Variants in CPEB4 observed in about 807,000 individuals in gnomAD.
The protein encoded by CPEB4 is cytoplasmic polyadenylation element binding protein 4, also known as cytoplasmic polyadenylation element-binding protein 4.
A neutral mutation model predicts 72.5 loss-of-function variants in CPEB4; 12 were observed. The ratio of observed to expected loss-of-function variants is 0.17; its 90% CI spans 0.11 to 0.27. CPEB4 has a LOEUF of 0.27. CPEB4 is among the 10% of genes least tolerant of loss of function. The pLI, the probability that CPEB4 is intolerant of heterozygous loss-of-function variation, is 1.00. For synonymous variants in CPEB4, 302 were observed against 326.3 expected (o/e 0.93, Z 0.80); for missense variants, 614 against 908.5 (o/e 0.68, Z 4.17).
chr5:173,915,511 T>C (rs1264522402), intron 2 of CPEB4, among the ~76,000 whole-genome samples: 1 of 152,170 alleles, frequency 6.6e-6, no homozygotes, highest in Non-Finnish European at 1.5e-5. Context: ...CCAGTGACAA[T>C]CCTCAGAAGC....
chr5:173,895,203 A>G (rs923994108), intron 1 of CPEB4, among the ~76,000 whole-genome samples: 4 of 152,214 alleles, frequency 2.6e-5, no homozygotes, highest in East Asian at 3.8e-4. Context: ...CTTACCAAAC[A>G]TATCTTAGAA....
intron 4 of CPEB4, among the ~76,000 whole-genome samples, chr5:173,944,201 A>G (rs1319148892): frequency 2.0e-5 from 3 of 152,208 alleles, no homozygotes; most frequent in African/African-American, 7.2e-5. Flanking sequence ...TAGCATGCCT[A>G]ATAATCTTAA....
rs1366571722 is a variant in CPEB4 at position 173,955,924 on chromosome 5, A to G, written c.1977A>G (p.Pro659=). 3.7e-6 allele frequency: 6 copies of G among 1,612,522 alleles called. No homozygotes were observed. The highest frequency in any genetic ancestry group is 5.1e-6 in the Non-Finnish European group (6 of 1,178,788). The part of the protein sequence containing the change: ...GEIDKRVEVK[P]YVLDDQLCDE... ...TTTGATTGCAGGTGGAAGTTAAGCC[A>G]TATGTCTTGGATGATCAGCTGTGTG... The change falls in exon 10 of 10, where the codon CCA becomes CCG. Residue 659 remains proline (P), a synonymous_variant. Transcript: ENST00000265085. This position sits in a 1 kb window ranked among gnomAD's most constrained non-coding sequence, Gnocchi z 4.7.
chr5:173,941,151 A>G (rs1757822518), intron 3 of CPEB4, among the ~76,000 whole-genome samples: 1 of 152,196 alleles, frequency 6.6e-6, no homozygotes, highest in Non-Finnish European at 1.5e-5. Flanking sequence ...ACTTTTTAAG[A>G]TTGACAGCAT....
At chr5:173,948,425 C>T (rs976875516) in intron 5 of CPEB4, among the ~76,000 whole-genome samples, 7 of 152,094 alleles carry the variant, frequency 4.6e-5, no homozygotes, top group Non-Finnish European at 8.8e-5. Flanking sequence ...ATCCCAGCTA[C>T]TTGGGAAGTT....
chr5:173,928,997 G>C (rs1248647174), intron 2 of CPEB4, among the ~76,000 whole-genome samples: 1 of 152,228 alleles, frequency 6.6e-6, no homozygotes, highest in Non-Finnish European at 1.5e-5. Flanking sequence ...TTTGCTACTA[G>C]AGACCACAAT....
At position 173,959,169 on chromosome 5, in the gene CPEB4, C is replaced by T. The variant is rs796229010; in HGVS notation, c.*3032C>T. 1 of 152,786 alleles carries T rather than the reference C, an allele frequency of 6.5e-6. No individual in the cohort carries two copies. The highest frequency in any genetic ancestry group is 2.4e-5 in the African/African-American group (1 of 41,464). The allele number at this position is 152,786 out of a possible 1,614,324, so 9.5% of individuals were successfully genotyped here. ...GATTGTAGGGCATCACTTCAATTCACCAAGCATGTAGTTCTAGCGCACTAG... is the reference window on the plus strand; with the variant it reads ...GATTGTAGGGCATCACTTCAATTCATCAAGCATGTAGTTCTAGCGCACTAG... On this transcript the variant is annotated 3_prime_UTR_variant, in exon 10 of 10. Transcript: ENST00000265085.
At chr5:173,897,467 A>G (rs916599644) in intron 1 of CPEB4, among the ~76,000 whole-genome samples, 2 of 152,182 alleles carry the variant, frequency 1.3e-5, no homozygotes, top group Non-Finnish European at 2.9e-5. Context: ...TTATTGGAGC[A>G]CCTACTATGT....
At chr5:173,943,354 A>G (rs1757913111) in intron 4 of CPEB4, among the ~76,000 whole-genome samples, 2 of 152,184 alleles carry the variant, frequency 1.3e-5, no homozygotes, top group African/African-American at 4.8e-5. Flanking sequence ...AATTTCTTAG[A>G]AAAAAATTAA....
At chr5:173,895,334 T>G (rs1417773498) in intron 1 of CPEB4, among the ~76,000 whole-genome samples, 1 of 152,232 alleles carries the variant, frequency 6.6e-6, no homozygotes, top group African/African-American at 2.4e-5. Flanking sequence ...GGAGAATTAC[T>G]TAGTATATGT....
chr5:173,922,025 A>G (rs371712683), intron 2 of CPEB4, among the ~76,000 whole-genome samples: 1 of 152,234 alleles, frequency 6.6e-6, no homozygotes, highest in Non-Finnish European at 1.5e-5. Context: ...GATCCCAAAG[A>G]TGCAACAGCT....
intron 1 of CPEB4, among the ~76,000 whole-genome samples, chr5:173,892,848 A>G (rs58983995): frequency 0.014 from 2,126 of 152,326 alleles, 54 homozygotes; most frequent in African/African-American, 0.047. Context: ...TGATACTAAA[A>G]TATATTGTTA....
At chr5:173,910,424 G>T (rs749645146) in intron 1 of CPEB4, 99 bp from the exon 2 acceptor site, 2 of 785,708 alleles carry the variant, frequency 2.5e-6, no homozygotes, top group Non-Finnish European at 4.4e-6. Flanking sequence ...GAGTAAAATT[G>T]CTACTTTGTG....
intron 2 of CPEB4, among the ~76,000 whole-genome samples, chr5:173,928,217 T>C (rs1404749671): frequency 6.6e-6 from 1 of 152,226 alleles, no homozygotes; most frequent in Non-Finnish European, 1.5e-5. Flanking sequence ...AATGGGTGGA[T>C]ACATGTCATT....
At position 173,958,603 on chromosome 5, in the gene CPEB4, G is replaced by A. The variant is rs1758449223; in HGVS notation, c.*2466G>A. On this transcript the variant is annotated 3_prime_UTR_variant, in exon 10 of 10. Coordinates refer to ENST00000265085, the MANE Select transcript of CPEB4 (RefSeq NM_030627.4). ...TCCTTCCCCAGCACCAGCTATTGGT[G>A]TACCTATAATTTAAGAAATAGTCTA... is the stretch of plus-strand genomic sequence containing the variant. The A allele has an allele frequency of 6.6e-6, 1 of 152,430 alleles. No homozygotes were observed. The highest frequency in any genetic ancestry group is 1.5e-5 in the Non-Finnish European group (1 of 67,976). The allele number at this position is 152,430 out of a possible 1,614,324, so 9.4% of individuals were successfully genotyped here. A position where few individuals can be genotyped will look rare whatever the true frequency, so the allele number is the denominator to read the frequency against.
At chr5:173,911,912 T>C (rs10516106) in intron 2 of CPEB4, among the ~76,000 whole-genome samples, 2,865 of 152,248 alleles carry the variant, frequency 0.019, 98 homozygotes, top group African/African-American at 0.065. Context: ...CCTTTGAGTT[T>C]GGCTTATCAT....
intron 7 of CPEB4, among the ~76,000 whole-genome samples, chr5:173,951,083 T>A (rs1014818040): frequency 4.6e-5 from 7 of 152,154 alleles, no homozygotes; most frequent in African/African-American, 1.7e-4. Flanking sequence ...GTTCCTGTGG[T>A]CTGGACTCTT....
chr5:173,934,065 G>GT (rs1021856859), intron 3 of CPEB4, among the ~76,000 whole-genome samples: 37 of 152,226 alleles, frequency 2.4e-4, no homozygotes, highest in African/African-American at 8.4e-4. Context: ...CATGCTTGTA[G>GT]TCCCAACTAC....
intron 2 of CPEB4, among the ~76,000 whole-genome samples, chr5:173,924,962 A>G (rs1426801255): frequency 6.6e-6 from 1 of 152,184 alleles, no homozygotes; most frequent in Non-Finnish European, 1.5e-5. Context: ...AGGAGTACAG[A>G]GGGTTATCTG....
Sources: allele counts gnomAD v4.1 joint callset (sites outside exome capture counted in the v4.1 genomes callset), GRCh38; gene constraint gnomAD v4.1.1; non-coding constraint Gnocchi (gnomAD v3.1); transcripts MANE v1.5; gene names NCBI Gene and HGNC (gene_info 2026-07-23, HGNC 2026-07-21).